The following AGBL1 variants were observed in gnomAD, a reference collection of about 807,000 sequenced individuals.
The protein encoded by AGBL1 is cytosolic carboxypeptidase 4.
In AGBL1, 130 loss-of-function variants were observed where a neutral mutation model predicts 118.9. The ratio of observed to expected loss-of-function variants is 1.09; its 90% CI spans 0.95 to 1.26. AGBL1 has a LOEUF of 1.26. AGBL1 is among the 50% of genes most tolerant of loss of function. The pLI is 0.00. For synonymous variants in AGBL1, 555 were observed against 478.9 expected (o/e 1.16, Z -2.08); for missense variants, 1,584 against 1,298.1 (o/e 1.22, Z -3.38).
At chr15:86,170,332 T>C in intron 5 of AGBL1, among the ~76,000 whole-genome samples, 1 of 151,928 alleles carries the variant, frequency 6.6e-6, no homozygotes, top group East Asian at 1.9e-4. Flanking sequence ...AGAAGAGATT[T>C]GAGAAGAAGA....
intron 22 of AGBL1, among the ~76,000 whole-genome samples, chr15:86,704,955 A>C (rs2086421694): frequency 1.3e-5 from 2 of 152,218 alleles, no homozygotes; most frequent in Admixed American, 1.3e-4. Flanking sequence ...TGCAGCCATA[A>C]AAAGGAATGA....
chr15:86,536,386 C>G (rs968374522), intron 19 of AGBL1, among the ~76,000 whole-genome samples: 18 of 152,186 alleles, frequency 1.2e-4, no homozygotes. Flanking sequence ...TCTCAGTTCA[C>G]TGCAATTTCT....
At chr15:86,243,711 A>G (rs1332950119) in intron 6 of AGBL1, among the ~76,000 whole-genome samples, 3 of 152,110 alleles carry the variant, frequency 2.0e-5, no homozygotes, top group African/African-American at 7.2e-5. Context: ...CAACCAGTTT[A>G]AAAGATACTA....
intron 22 of AGBL1, among the ~76,000 whole-genome samples, chr15:86,716,814 T>C (rs770089548): frequency 6.6e-6 from 1 of 152,208 alleles, no homozygotes; most frequent in African/African-American, 2.4e-5. Flanking sequence ...CATAGGTAGA[T>C]TGGGAATCCA....
At chr15:86,147,735 C>T (rs2077051919) in intron 3 of AGBL1, among the ~76,000 whole-genome samples, 1 of 152,224 alleles carries the variant, frequency 6.6e-6, no homozygotes, top group Non-Finnish European at 1.5e-5. Context: ...CCCTGTCTGA[C>T]AACTCTGAAG....
chr15:86,157,943 A>G (rs1463345832), intron 4 of AGBL1, among the ~76,000 whole-genome samples: 1 of 152,176 alleles, frequency 6.6e-6, no homozygotes, highest in Non-Finnish European at 1.5e-5. Context: ...TCCATGTTAG[A>G]ATCAGTGCTT....
intron 21 of AGBL1, among the ~76,000 whole-genome samples, chr15:86,651,313 T>C (rs1204300077): frequency 6.6e-6 from 1 of 152,122 alleles, no homozygotes; most frequent in Non-Finnish European, 1.5e-5. Context: ...ACTCAGACAA[T>C]CTAACTAGTT....
At chr15:86,103,389 T>A (rs1438009033) in intron 1 of AGBL1, among the ~76,000 whole-genome samples, 2 of 152,188 alleles carry the variant, frequency 1.3e-5, no homozygotes, top group African/African-American at 4.8e-5. Context: ...ATTATTATCT[T>A]TTTTTGGAGG....
At chr15:86,143,215 C>G (rs1427681664) in intron 2 of AGBL1, among the ~76,000 whole-genome samples, 1 of 152,168 alleles carries the variant, frequency 6.6e-6, no homozygotes, top group Non-Finnish European at 1.5e-5. Flanking sequence ...CTGTAATTTT[C>G]TTCCATCAAT....
intron 23 of AGBL1, among the ~76,000 whole-genome samples, chr15:86,984,261 T>G (rs567540193): frequency 6.6e-6 from 1 of 152,278 alleles, no homozygotes; most frequent in South Asian, 2.1e-4. Context: ...GTTGAATATC[T>G]TTTTATGTAT....
At chr15:86,090,433 A>G (rs146560865) in intron 1 of AGBL1, among the ~76,000 whole-genome samples, 148 of 152,328 alleles carry the variant, frequency 9.7e-4, no homozygotes, top group African/African-American at 3.4e-3. Context: ...ATGTTTATAT[A>G]CATATAGCAA....
intron 19 of AGBL1, among the ~76,000 whole-genome samples, chr15:86,523,166 G>A (rs962789006): frequency 1.3e-5 from 2 of 152,220 alleles, no homozygotes; most frequent in Non-Finnish European, 2.9e-5. Context: ...TTCTGGAGGT[G>A]TGAGTCTGGA....
chr15:86,092,417 G>A (rs1032627104), intron 1 of AGBL1, among the ~76,000 whole-genome samples: 4 of 152,020 alleles, frequency 2.6e-5, no homozygotes, highest in African/African-American at 7.2e-5. Flanking sequence ...CTTAAATAAT[G>A]GTAGGTTAGA....
At position 86,735,042 on chromosome 15, in the gene AGBL1, G is replaced by T. The variant is rs1488697648; in HGVS notation, c.3158+60606G>T. On this transcript the variant is annotated intron_variant, in intron 22 of 22. Transcript: ENST00000614907. Reference sequence around the variant, plus strand: ...TGTTCATAGGCATCATACTCAGTGTGAAATAAAGATGTTGTTTCTTGGCAT... The same window carrying T: ...TGTTCATAGGCATCATACTCAGTGTTAAATAAAGATGTTGTTTCTTGGCAT... Among the ~76,000 whole-genome samples, 1,096 of 151,844 alleles carry T rather than the reference G, an allele frequency of 7.2e-3. 5 individuals carry two copies. Among genetic ancestry groups the T allele is most frequent in the African/African-American group, 0.023 (932 of 41,386 alleles).
At position 86,703,245 on chromosome 15, in the gene AGBL1, T is replaced by C. The variant is rs113003545; in HGVS notation, c.3158+28809T>C. On this transcript the variant is annotated intron_variant, in intron 22 of 22. Coordinates refer to ENST00000614907, the MANE Select transcript of AGBL1 (RefSeq NM_001386094.1). ...TTTTAAATGCCTAGACGAATAGATA[T>C]ACATCAAGAAAACAGTTTGGATACA... 5.9e-3 allele frequency among the ~76,000 whole-genome samples: 893 copies of C among 152,274 alleles called. 6 individuals carry two copies. The highest frequency in any genetic ancestry group is 0.02 in the African/African-American group (825 of 41,560).
At chr15:86,944,528 C>T (rs79281144) in intron 23 of AGBL1, among the ~76,000 whole-genome samples, 1,718 of 152,164 alleles carry the variant, frequency 0.011, 34 homozygotes, top group African/African-American at 0.039. Flanking sequence ...ACAGAACATT[C>T]GACTGGACAT....
chr15:86,265,544 C>T (rs982570395), intron 11 of AGBL1, among the ~76,000 whole-genome samples: 13 of 152,180 alleles, frequency 8.5e-5, no homozygotes, highest in African/African-American at 3.1e-4. Context: ...AGTGGGCAGA[C>T]CAGAAAGTTT....
chr15:86,605,900 G>A (rs2084569396), intron 21 of AGBL1, among the ~76,000 whole-genome samples: 1 of 151,978 alleles, frequency 6.6e-6, no homozygotes. Flanking sequence ...GCCAAGGAAG[G>A]TGGATCGCCT....
chr15:86,390,029 A>G (rs2081253348), intron 17 of AGBL1, among the ~76,000 whole-genome samples: 1 of 152,142 alleles, frequency 6.6e-6, no homozygotes, highest in African/African-American at 2.4e-5. Flanking sequence ...TTCAAAAGAG[A>G]AATACTTGTA....
Sources: allele counts gnomAD v4.1 joint callset (sites outside exome capture counted in the v4.1 genomes callset), GRCh38; gene constraint gnomAD v4.1.1; transcripts MANE v1.5; gene names NCBI Gene and HGNC (gene_info 2026-07-23, HGNC 2026-07-21).